The following SEMA6D variants were observed in gnomAD, a reference collection of about 807,000 sequenced individuals.
SEMA6D encodes the protein semaphorin-6D.
In SEMA6D, 35 loss-of-function variants were observed where a neutral mutation model predicts 106.6. The observed-to-expected ratio is 0.33, with a 90% CI of 0.25 to 0.44. The LOEUF (loss-of-function observed/expected upper bound fraction) is 0.44, where lower values mean the gene tolerates loss of function less well. Among genes scored for constraint, SEMA6D ranks in the 20% least tolerant of loss-of-function variants. The probability of loss-of-function intolerance (pLI) is 1.00; values close to 1 mark genes in which losing one functional copy is unlikely to be tolerated. For missense variants in SEMA6D, 1,185 were observed against 1,345.9 expected (o/e 0.88, Z 1.87); for synonymous variants, 499 against 487.7 (o/e 1.02, Z -0.31).
chr15:47,427,758 ACT>A (rs2041388458), intron 2 of SEMA6D, among the ~76,000 whole-genome samples: 1 of 152,024 alleles, frequency 6.6e-6, no homozygotes, highest in South Asian at 2.1e-4. Flanking sequence ...TCCATGAAGC[ACT>A]CTCATTTGTG....
At chr15:47,668,473 C>T (rs987071947) in intron 4 of SEMA6D, among the ~76,000 whole-genome samples, 5 of 152,168 alleles carry the variant, frequency 3.3e-5, no homozygotes, top group Admixed American at 3.3e-4. Context: ...CTCCTAGCTG[C>T]TTACCCTGGT....
chr15:47,343,248 T>TTTTTTATTA (rs1555425174), intron 1 of SEMA6D, among the ~76,000 whole-genome samples: 13 of 146,146 alleles, frequency 8.9e-5, no homozygotes, highest in East Asian at 8.0e-4. Context: ...TAGTTGGATT[T>TTTTTTATTA]TTATTATTAT....
At chr15:47,737,735 T>G (rs1193196344) in intron 1 of SEMA6D, among the ~76,000 whole-genome samples, 2 of 152,156 alleles carry the variant, frequency 1.3e-5, no homozygotes, top group Admixed American at 1.3e-4. Context: ...ATAAGTTTCG[T>G]TTTTTTCCTT....
intron 1 of SEMA6D, among the ~76,000 whole-genome samples, chr15:47,204,127 T>A (rs1020146800): frequency 1.3e-5 from 2 of 152,164 alleles, no homozygotes; most frequent in Non-Finnish European, 2.9e-5. Flanking sequence ...TAGGTGGCCA[T>A]TCAAGGTGAT....
intron 1 of SEMA6D, among the ~76,000 whole-genome samples, chr15:47,287,114 A>C (rs2142726058): frequency 6.6e-6 from 1 of 152,262 alleles, no homozygotes; most frequent in South Asian, 2.1e-4. Context: ...AGGCAATGAA[A>C]ACTCATATGT....
At chr15:47,192,843 A>G (rs1330073028) in intron 1 of SEMA6D, among the ~76,000 whole-genome samples, 2 of 152,246 alleles carry the variant, frequency 1.3e-5, no homozygotes, top group Non-Finnish European at 2.9e-5. Flanking sequence ...TCTACTGAAT[A>G]GAGACAATAG....
rs533888036 is a variant in SEMA6D at position 47,761,599 on chromosome 15, T to A, written c.448-62T>A. 6.7e-6 allele frequency: 9 copies of A among 1,334,972 alleles called. No individual in the cohort carries two copies. In the South Asian group the frequency reaches 1.2e-4, roughly 17 times the overall value. 82.7% of individuals were successfully genotyped at this position (1,334,972 alleles called of 1,614,324 possible). On this transcript the variant is annotated intron_variant, in intron 6 of 18. Transcript: ENST00000536845. ...TGGAATTTTAATACAAATAAAATAG[T>A]ATTGCCTTCAAACGGGCACGTTGAA...
intron 3 of SEMA6D, among the ~76,000 whole-genome samples, chr15:47,526,526 C>A (rs2044761163): frequency 6.6e-6 from 1 of 152,158 alleles, no homozygotes; most frequent in African/African-American, 2.4e-5. Context: ...AGCAGCTAGC[C>A]AGTATTGGCC....
chr15:47,413,367 A>G (rs879756161), intron 2 of SEMA6D, among the ~76,000 whole-genome samples: 37 of 152,326 alleles, frequency 2.4e-4, no homozygotes, highest in Middle Eastern at 3.4e-3. Context: ...AGGTTAAATT[A>G]AAAACATAAT....
chr15:47,557,382 A>G (rs1158635533), intron 3 of SEMA6D, among the ~76,000 whole-genome samples: 1 of 152,188 alleles, frequency 6.6e-6, no homozygotes, highest in Non-Finnish European at 1.5e-5. Flanking sequence ...TGAGGTTAAC[A>G]TGCTCTTAAA....
chr15:47,410,415 C>T (rs1469153075), intron 1 of SEMA6D, among the ~76,000 whole-genome samples: 2 of 152,200 alleles, frequency 1.3e-5, no homozygotes, highest in African/African-American at 4.8e-5. Context: ...GTGTTACTCA[C>T]ATGTTTTATT....
chr15:47,613,580 T>C (rs980090403), intron 4 of SEMA6D, among the ~76,000 whole-genome samples: 13 of 152,170 alleles, frequency 8.5e-5, no homozygotes, highest in African/African-American at 2.9e-4. Context: ...CAGGACAAAT[T>C]GTAAGTAAAG....
At chr15:47,634,604 G>A (rs901491867) in intron 4 of SEMA6D, among the ~76,000 whole-genome samples, 1 of 152,134 alleles carries the variant, frequency 6.6e-6, no homozygotes, top group Non-Finnish European at 1.5e-5. Flanking sequence ...GCAGAGGTAC[G>A]TAGACAGGGG....
intron 3 of SEMA6D, among the ~76,000 whole-genome samples, chr15:47,546,846 G>A (rs2045538591): frequency 6.6e-6 from 1 of 151,972 alleles, no homozygotes; most frequent in African/African-American, 2.4e-5. Flanking sequence ...CTAAGACACA[G>A]TTGTATCCCC....
intron 2 of SEMA6D, among the ~76,000 whole-genome samples, chr15:47,467,381 T>C (rs915669238): frequency 6.6e-6 from 1 of 152,176 alleles, no homozygotes; most frequent in Non-Finnish European, 1.5e-5. Flanking sequence ...AAAGTAATTA[T>C]GATGTAAACA....
At chr15:47,751,703 C>G (rs2081446702) in intron 1 of SEMA6D, among the ~76,000 whole-genome samples, 1 of 152,116 alleles carries the variant, frequency 6.6e-6, no homozygotes, top group Non-Finnish European at 1.5e-5. Flanking sequence ...AACTGGAGTC[C>G]AAAATGCTAA....
chr15:47,259,749 A>G (rs1217728567), intron 1 of SEMA6D, among the ~76,000 whole-genome samples: 3 of 152,168 alleles, frequency 2.0e-5, no homozygotes, highest in African/African-American at 7.2e-5. Context: ...TTCAGCTGCA[A>G]TATGTGCAAA....
chr15:47,709,586 C>A (rs1392237000), intron 4 of SEMA6D, among the ~76,000 whole-genome samples: 1 of 152,150 alleles, frequency 6.6e-6, no homozygotes, highest in Non-Finnish European at 1.5e-5. Context: ...ATCCTGCCCC[C>A]TTCCACTTTA....
At chr15:47,364,291 C>G (rs1002798623) in intron 1 of SEMA6D, among the ~76,000 whole-genome samples, 8 of 152,166 alleles carry the variant, frequency 5.3e-5, no homozygotes, top group African/African-American at 1.9e-4. Context: ...GTCAGAACCA[C>G]CTGTGACTGA....
Sources: allele counts gnomAD v4.1 joint callset (sites outside exome capture counted in the v4.1 genomes callset), GRCh38; gene constraint gnomAD v4.1.1; transcripts MANE v1.5; gene names NCBI Gene and HGNC (gene_info 2026-07-23, HGNC 2026-07-21).